Variants in CUEDC1 observed in about 807,000 individuals in gnomAD.
CUEDC1 encodes CUE domain containing 1.
Under a neutral mutation model 43.7 loss-of-function variants are expected in CUEDC1, and 30 were observed. The ratio of observed to expected loss-of-function variants is 0.69; its 90% CI spans 0.51 to 0.93. CUEDC1 has a LOEUF of 0.93. Among genes scored for constraint, CUEDC1 ranks in the 40% least tolerant of loss-of-function variants. The pLI is 0.00. For synonymous variants in CUEDC1, 223 were observed against 223.6 expected, an observed-to-expected ratio of 1.00 and a Z score of 0.02; for missense variants, 486 against 549.0, an observed-to-expected ratio of 0.89 and a Z score of 1.15.
chr17:57,929,135 A>T (rs1249628306), intron 1 of CUEDC1, among the ~76,000 whole-genome samples: 1 of 152,224 alleles, frequency 6.6e-6, no homozygotes, highest in African/African-American at 2.4e-5. Context: ...GCAAACAATG[A>T]CAATGATGCT....
chr17:57,911,652 G>A (rs566415193), intron 1 of CUEDC1, among the ~76,000 whole-genome samples: 25 of 152,188 alleles, frequency 1.6e-4, no homozygotes, highest in East Asian at 7.7e-4. Context: ...ACAGGCGTGC[G>A]CCACCACACC....
intron 1 of CUEDC1, among the ~76,000 whole-genome samples, chr17:57,946,862 C>T (rs1024244494): frequency 5.3e-5 from 8 of 152,160 alleles, no homozygotes; most frequent in African/African-American, 1.9e-4. Flanking sequence ...CAAGTGCTGC[C>T]TTCCCCAACT....
intron 1 of CUEDC1, among the ~76,000 whole-genome samples, chr17:57,898,268 G>C (rs2074434482): frequency 6.6e-6 from 1 of 152,200 alleles, no homozygotes. Context: ...TAGCATAGCT[G>C]TTTCAGAGGT....
intron 1 of CUEDC1, among the ~76,000 whole-genome samples, chr17:57,910,881 C>T (rs552024581): frequency 6.6e-6 from 1 of 152,206 alleles, no homozygotes; most frequent in East Asian, 1.9e-4. Context: ...CTTCACAGTA[C>T]CCCCTGGCTT....
chr17:57,892,473 C>G (rs1010502629), intron 1 of CUEDC1: 1 of 152,408 alleles, frequency 6.6e-6, no homozygotes, highest in Non-Finnish European at 1.5e-5. Context: ...GGCCACTCTT[C>G]TGGAAGGAGG....
chr17:57,926,133 G>A lies in CUEDC1; in HGVS notation c.-316+29092C>T, dbSNP rs188951357. 8.5e-5 allele frequency among the ~76,000 whole-genome samples: 13 copies of A among 152,310 alleles called. No homozygotes were observed. In the East Asian group the frequency reaches 1.3e-3, roughly 16 times the overall value. ...CCAATACTGGAATGGAAAAAGTGAC[G>A]TATTCATCCCTCAAAGTTGCGAGAG... On this transcript the variant is annotated intron_variant, in intron 1 of 10. Coordinates refer to ENST00000577830, the MANE Select transcript of CUEDC1 (RefSeq NM_001271875.2).
intron 1 of CUEDC1, among the ~76,000 whole-genome samples, chr17:57,944,221 T>C (rs2074941371): frequency 6.7e-6 from 1 of 148,208 alleles, no homozygotes; most frequent in Non-Finnish European, 1.5e-5. Context: ...TTTTTTTTTT[T>C]TTTTTTGAGA....
chr17:57,902,322 C>T (rs1434805813), intron 1 of CUEDC1, among the ~76,000 whole-genome samples: 1 of 152,224 alleles, frequency 6.6e-6, no homozygotes, highest in African/African-American at 2.4e-5. Context: ...AGCGAGACCT[C>T]CATCTCAAAA....
In CUEDC1 at chr17:57,871,145, C is replaced by T. The variant is rs2074028920; in HGVS notation, c.868+141G>A. ...ATGGAGATGGGGGCAGAAGCAGCCCCGCCAGCCTGCTGAGGAGGCCCAGGC... is the reference window on the plus strand; with the variant it reads ...ATGGAGATGGGGGCAGAAGCAGCCCTGCCAGCCTGCTGAGGAGGCCCAGGC... On this transcript the variant is annotated intron_variant, in intron 6 of 10. Transcript: ENST00000577830. The T allele has an allele frequency of 1.0e-5, 7 of 691,366 alleles. No individual in the cohort carries two copies. In the East Asian group the frequency reaches 1.0e-4, roughly 10 times the overall value. 42.8% of individuals were successfully genotyped at this position (691,366 alleles called of 1,614,324 possible). A position where few individuals can be genotyped will look rare whatever the true frequency, so the allele number is the denominator to read the frequency against.
intron 1 of CUEDC1, among the ~76,000 whole-genome samples, chr17:57,935,351 T>C (rs1021925062): frequency 6.6e-6 from 1 of 150,520 alleles, no homozygotes. Flanking sequence ...AGTGATTTTT[T>C]TTTTTAAGCT....
chr17:57,881,803 G>T (rs558104730), intron 2 of CUEDC1, among the ~76,000 whole-genome samples: 8 of 152,282 alleles, frequency 5.3e-5, no homozygotes, highest in African/African-American at 1.9e-4. Context: ...GCTCCTCTGT[G>T]CAGCCTCCCA....
chr17:57,865,682 G>A (rs1052016353), intron 10 of CUEDC1, among the ~76,000 whole-genome samples: 3 of 152,132 alleles, frequency 2.0e-5, no homozygotes, highest in Non-Finnish European at 4.4e-5. Flanking sequence ...TGGAGCCCTG[G>A]GGCTTCAGCC....
At chr17:57,890,009 G>A (rs1028285293) in intron 1 of CUEDC1, among the ~76,000 whole-genome samples, 6 of 152,214 alleles carry the variant, frequency 3.9e-5, no homozygotes, top group African/African-American at 1.2e-4. Context: ...GCAAGTAGGC[G>A]ACAGGTTTAC....
At chr17:57,886,819 T>TG (rs1488708078) in intron 1 of CUEDC1, among the ~76,000 whole-genome samples, 61 of 138,510 alleles carry the variant, frequency 4.4e-4, no homozygotes, top group African/African-American at 5.6e-4. Context: ...TTCTGGTTGT[T>TG]TTTTTTTTTT....
At chr17:57,870,635 G>T (rs35112216) in intron 6 of CUEDC1, among the ~76,000 whole-genome samples, 46,776 of 151,538 alleles carry the variant, frequency 0.31, 7,477 homozygotes, top group Non-Finnish European at 0.33. Flanking sequence ...CAAGACTTAT[G>T]AGTCTCTGAG....
rs368994819 is a variant in CUEDC1, at chr17:57,869,188, C to T, written c.874G>A (p.Gly292Ser). ...FGFSSPVPGT[G>S]DANPAVSEDA... ...TCAGACACAGCGGGGTTGGCGTCGC[C>T]AGTTCCTGGAAGGAGACACCTGCTG... The change falls in exon 7 of 11, where the codon GGC becomes AGC. Residue 292 changes from glycine (G) to serine (S), a missense_variant. Gly to Ser is a moderately conservative substitution (Grantham distance 56). Transcript: ENST00000577830. 14 of 1,613,680 alleles carry T rather than the reference C, an allele frequency of 8.7e-6. No individual in the cohort carries two copies. Among genetic ancestry groups the T allele is most frequent in the Non-Finnish European group, 1.1e-5 (13 of 1,179,886 alleles).
chr17:57,867,551 A>C (rs1568026026), intron 8 of CUEDC1, 136 bp from the exon 9 acceptor site: 1 of 738,744 alleles, frequency 1.4e-6, no homozygotes. Context: ...CCACACCCTT[A>C]GTACTGTCCC....
chr17:57,912,040 A>G (rs1247317922), intron 1 of CUEDC1, among the ~76,000 whole-genome samples: 1 of 152,236 alleles, frequency 6.6e-6, no homozygotes, highest in Non-Finnish European at 1.5e-5. Flanking sequence ...TTTTCTTCAC[A>G]GAGGCCAAGA....
intron 1 of CUEDC1, among the ~76,000 whole-genome samples, chr17:57,952,749 A>G (rs1462758084): frequency 6.6e-6 from 1 of 152,214 alleles, no homozygotes; most frequent in Non-Finnish European, 1.5e-5. Context: ...GCCATATGCC[A>G]AACACTGTGC....
Sources: allele counts gnomAD v4.1 joint callset (sites outside exome capture counted in the v4.1 genomes callset), GRCh38; gene constraint gnomAD v4.1.1; transcripts MANE v1.5; gene names NCBI Gene and HGNC (gene_info 2026-07-23, HGNC 2026-07-21).